The following AMN1 variants were observed in gnomAD, a reference collection of about 807,000 sequenced individuals.
AMN1 encodes the protein protein AMN1 homolog.
A neutral mutation model predicts 33.0 loss-of-function variants in AMN1; 20 were observed. The observed-to-expected ratio is 0.61, with a 90% confidence interval of 0.43 to 0.88. The LOEUF (loss-of-function observed/expected upper bound fraction) is 0.88, where lower values mean the gene tolerates loss of function less well. AMN1 is among the 40% of genes least tolerant of loss of function. The probability of loss-of-function intolerance (pLI) is 0.00; values close to 1 mark genes in which losing one functional copy is unlikely to be tolerated. For missense variants in AMN1, 246 were observed against 307.4 expected (o/e 0.80, Z 1.49); for synonymous variants, 114 against 111.9 (o/e 1.02, Z -0.12).
At chr12:31,709,446 A>AG in intron 1 of AMN1, 21 bp from the exon 2 acceptor site, 1 of 1,597,504 alleles carries the variant, frequency 6.3e-7, no homozygotes, top group Non-Finnish European at 8.5e-7. Context: ...AATACAATAT[A>AG]GTAAATCACA....
chr12:31,718,481 A>G (rs1939763668), intron 1 of AMN1, among the ~76,000 whole-genome samples: 1 of 151,976 alleles, frequency 6.6e-6, no homozygotes, highest in Non-Finnish European at 1.5e-5. Flanking sequence ...GTTCCTCTGG[A>G]GAATAGGCAT....
In AMN1 at chr12:31,683,379, G is replaced by A. The variant is rs1451338006; in HGVS notation, c.703+5628C>T. ...TATTCTGTAGTCTGAGACCCTTTCA[G>A]GGTTGTGAACTGAACTAGTTACTTT... On this transcript the variant is annotated intron_variant, in intron 6 of 6. Transcript: ENST00000281471. The surrounding 1 kb of genome is among the most constrained non-coding windows in gnomAD (Gnocchi z 4.1). Among the ~76,000 whole-genome samples the A allele has an allele frequency of 6.6e-6, 1 of 152,184 alleles. No homozygotes were observed. The highest frequency in any genetic ancestry group is 1.5e-5 in the Non-Finnish European group (1 of 68,032).
rs149223003 is a variant in AMN1 at position 31,719,065 on chromosome 12, G to A, written c.39-9640C>T. Among the ~76,000 whole-genome samples the A allele has an allele frequency of 6.4e-3, 982 of 152,356 alleles. 13 individuals carry two copies. The highest frequency in any genetic ancestry group is 0.022 in the African/African-American group (923 of 41,576). ...GTGGGAAAAGCGCAGTATTTGGGCA[G>A]GAGTGTACAGTCACTCAGAGCTTCC... On this transcript the variant is annotated intron_variant, in intron 1 of 6. Transcript: ENST00000281471.
intron 6 of AMN1, among the ~76,000 whole-genome samples, chr12:31,681,278 G>A (rs1938000902): frequency 6.6e-6 from 1 of 152,044 alleles, no homozygotes; most frequent in Non-Finnish European, 1.5e-5. Flanking sequence ...GCTCAGGCTG[G>A]AGTATAGTGG....
intron 2 of AMN1, chr12:31,708,431 G>T (rs886699112): frequency 6.6e-6 from 1 of 152,308 alleles, no homozygotes; most frequent in African/African-American, 2.4e-5. Context: ...TTTGAGGTCA[G>T]ACTGGTTCTC....
rs993959293 is a variant in AMN1 at position 31,699,233 on chromosome 12, A to T, written c.317-1276T>A. The stretch of plus-strand genomic sequence containing the variant: ...TGGTGAAACCCTGTCTCTACTAAAA[A>T]TACAAAAATTAGCTGGGCATGGTGT... On this transcript the variant is annotated intron_variant, in intron 3 of 6. Transcript: ENST00000281471. 2.6e-5 allele frequency among the ~76,000 whole-genome samples: 4 copies of T among 151,698 alleles called. No homozygotes were observed. The East Asian group carries it at 7.7e-4, about 29-fold the overall frequency.
chr12:31,711,764 G>C (rs1275527304), intron 1 of AMN1, among the ~76,000 whole-genome samples: 2 of 152,010 alleles, frequency 1.3e-5, no homozygotes, highest in East Asian at 1.9e-4. Context: ...GTGTATAATA[G>C]ATTATTATTA....
intron 1 of AMN1, among the ~76,000 whole-genome samples, chr12:31,725,335 A>C (rs1379418264): frequency 6.6e-6 from 1 of 152,244 alleles, no homozygotes; most frequent in African/African-American, 2.4e-5. Context: ...AGGCAGTCTC[A>C]TTTCTCAAGA....
chr12:31,679,547 C>T (rs1208761149), intron 6 of AMN1, among the ~76,000 whole-genome samples: 1 of 151,900 alleles, frequency 6.6e-6, no homozygotes, highest in Admixed American at 6.6e-5. Flanking sequence ...AAGAACTTGC[C>T]TTTAAATCAG....
At chr12:31,717,382 A>C (rs912061525) in intron 1 of AMN1, among the ~76,000 whole-genome samples, 3 of 152,166 alleles carry the variant, frequency 2.0e-5, no homozygotes, top group Non-Finnish European at 4.4e-5. Flanking sequence ...TGTCTTTGCT[A>C]TTGTGAATAG....
intron 1 of AMN1, among the ~76,000 whole-genome samples, chr12:31,712,768 GC>G (rs765949582): frequency 3.3e-5 from 5 of 151,898 alleles, no homozygotes; most frequent in Admixed American, 6.6e-5. Context: ...CAATTCCCCT[GC>G]CTCAGCCTCC....
intron 1 of AMN1, among the ~76,000 whole-genome samples, chr12:31,725,314 A>C (rs1940021369): frequency 1.3e-5 from 2 of 152,232 alleles, no homozygotes; most frequent in Admixed American, 1.3e-4. Flanking sequence ...CTCAGGCCCC[A>C]CAGTTGGCAC....
intron 6 of AMN1, among the ~76,000 whole-genome samples, chr12:31,682,391 T>G (rs1223058560): frequency 1.3e-5 from 2 of 151,908 alleles, no homozygotes; most frequent in Admixed American, 1.3e-4. Flanking sequence ...GCATGAGACC[T>G]TCCAAAGGCA....
rs7952896 is a variant in AMN1 at position 31,685,028 on chromosome 12, A to T, written c.703+3979T>A. Among the ~76,000 whole-genome samples the T allele has an allele frequency of 5.8e-3, 856 of 147,464 alleles. 24 individuals are homozygous for T. Among genetic ancestry groups the T allele is most frequent in the Middle Eastern group, 0.01 (3 of 288 alleles). On this transcript the variant is annotated intron_variant, in intron 6 of 6. Transcript: ENST00000281471. ...TTTATAAATTTTGTTTTCCATAATT[A>T]TTATTTTTTTTTTTTTGAGATAGAG... is the stretch of plus-strand genomic sequence containing the variant.
chr12:31,726,450 G>T (rs943073120), intron 1 of AMN1, among the ~76,000 whole-genome samples: 5 of 152,034 alleles, frequency 3.3e-5, no homozygotes, highest in African/African-American at 4.8e-5. Context: ...CGTGAGCCAC[G>T]GCCCCCAACT....
chr12:31,697,973 A>C lies in AMN1; in HGVS notation c.317-16T>G, dbSNP rs1938810334. On this transcript the variant is annotated splice_polypyrimidine_tract_variant and intron_variant, in intron 3 of 6. Transcript: ENST00000281471. ...GCTTTTATTCCTGGGGGAAAATATA[A>C]TTATATATCAATGAGCTATATGTGT... 6.2e-7 allele frequency: 1 copy of C among 1,610,344 alleles called. No homozygotes were observed. The highest frequency in any genetic ancestry group is 8.5e-7 in the Non-Finnish European group (1 of 1,176,904).
intron 1 of AMN1, among the ~76,000 whole-genome samples, chr12:31,724,903 C>T (rs1204372286): frequency 6.6e-6 from 1 of 152,224 alleles, no homozygotes; most frequent in Non-Finnish European, 1.5e-5. Context: ...GGCCACAAAG[C>T]CCATCCAGAA....
chr12:31,685,972 T>C (rs577075910), intron 6 of AMN1, among the ~76,000 whole-genome samples: 59 of 152,184 alleles, frequency 3.9e-4, no homozygotes, highest in Non-Finnish European at 7.8e-4. Context: ...TCATTAATCA[T>C]TTAGTGTCAT....
rs140686226 is a variant in AMN1, at chr12:31,696,756, G to A, written c.591+605C>T. ...AGCCTGGCCAACACGGTGAAACCCCGTCTCTACTAAAAATACAAAAATTAG... is the reference window on the plus strand; with the variant it reads ...AGCCTGGCCAACACGGTGAAACCCCATCTCTACTAAAAATACAAAAATTAG... On this transcript the variant is annotated intron_variant, in intron 5 of 6. Transcript: ENST00000281471. Among the ~76,000 whole-genome samples the A allele has an allele frequency of 5.6e-3, 857 of 151,754 alleles. 8 individuals are homozygous for A. The highest frequency in any genetic ancestry group is 0.02 in the African/African-American group (826 of 41,386).
Sources: gnomAD v4.1 joint callset for allele counts (sites outside exome capture counted in the v4.1 genomes callset) on GRCh38, gnomAD v4.1.1 for gene constraint, Gnocchi (gnomAD v3.1) non-coding constraint, MANE v1.5 for transcripts, NCBI Gene and HGNC (gene_info 2026-07-23, HGNC 2026-07-21) for gene names.